The following AGBL4 variants were observed in gnomAD, a reference collection of about 807,000 sequenced individuals.
The protein encoded by AGBL4 is AGBL carboxypeptidase 4, also known as cytosolic carboxypeptidase 6.
A neutral mutation model predicts 66.4 loss-of-function variants in AGBL4; 58 were observed. The ratio of observed to expected loss-of-function variants is 0.87; its 90% CI spans 0.71 to 1.09. The LOEUF is 1.09. Among genes scored for constraint, AGBL4 ranks in the 50% least tolerant of loss-of-function variants. AGBL4 has a pLI of 0.00. For synonymous variants in AGBL4, 234 were observed against 222.9 expected (o/e 1.05, Z -0.44); for missense variants, 579 against 631.0 (o/e 0.92, Z 0.88).
intron 3 of AGBL4, among the ~76,000 whole-genome samples, chr1:49,291,901 C>T (rs953046935): frequency 2.0e-5 from 3 of 152,162 alleles, no homozygotes; most frequent in African/African-American, 4.8e-5. Context: ...CCCAAGCCAT[C>T]GATATGGAAC....
chr1:48,834,557 A>G (rs1444430446), intron 6 of AGBL4, among the ~76,000 whole-genome samples: 1 of 152,114 alleles, frequency 6.6e-6, no homozygotes, highest in East Asian at 1.9e-4. Context: ...TTATAAGAAG[A>G]GAAAGGGAGA....
intron 3 of AGBL4, among the ~76,000 whole-genome samples, chr1:49,479,875 T>G (rs1368637260): frequency 6.6e-6 from 1 of 151,438 alleles, no homozygotes; most frequent in Non-Finnish European, 1.5e-5. Flanking sequence ...GCCCGGCTAA[T>G]TTTTTGTATT....
At chr1:49,927,948 A>C (rs1024622636) in intron 1 of AGBL4, among the ~76,000 whole-genome samples, 10 of 152,226 alleles carry the variant, frequency 6.6e-5, no homozygotes, top group African/African-American at 2.4e-4. Context: ...TGTTATTTTA[A>C]CTGTATTCCA....
intron 3 of AGBL4, among the ~76,000 whole-genome samples, chr1:49,262,721 T>C (rs955496933): frequency 6.6e-6 from 1 of 152,186 alleles, no homozygotes; most frequent in Non-Finnish European, 1.5e-5. Context: ...TGTAAACTAG[T>C]TCAACCATTG....
At chr1:48,766,601 G>A (rs1322605674) in intron 6 of AGBL4, among the ~76,000 whole-genome samples, 3 of 152,234 alleles carry the variant, frequency 2.0e-5, no homozygotes, top group Admixed American at 2.0e-4. Flanking sequence ...AATAGTCCAG[G>A]AAGCTCTGAG....
intron 6 of AGBL4, among the ~76,000 whole-genome samples, chr1:48,725,240 C>CT: frequency 6.6e-6 from 1 of 152,242 alleles, no homozygotes; most frequent in East Asian, 1.9e-4. Flanking sequence ...CTTCTAATGA[C>CT]TTTAACTGAT....
intron 3 of AGBL4, among the ~76,000 whole-genome samples, chr1:49,660,308 T>C (rs912872061): frequency 6.6e-6 from 1 of 152,132 alleles, no homozygotes; most frequent in Non-Finnish European, 1.5e-5. Flanking sequence ...GAACAGACGC[T>C]TCTCCAAAGA....
intron 3 of AGBL4, among the ~76,000 whole-genome samples, chr1:49,513,804 C>A (rs1649495182): frequency 1.3e-5 from 2 of 151,964 alleles, no homozygotes; most frequent in African/African-American, 4.8e-5. Flanking sequence ...GGTCAACTGA[C>A]TGCTTGACTG....
chr1:48,723,849 A>T (rs1203652405), intron 6 of AGBL4, among the ~76,000 whole-genome samples: 1 of 152,066 alleles, frequency 6.6e-6, no homozygotes, highest in African/African-American at 2.4e-5. Flanking sequence ...GAAACAGAAA[A>T]ATCTTCATCT....
At chr1:49,458,762 A>G (rs1285621037) in intron 3 of AGBL4, among the ~76,000 whole-genome samples, 2 of 151,738 alleles carry the variant, frequency 1.3e-5, no homozygotes, top group Non-Finnish European at 2.9e-5. Context: ...GCTGGATTTA[A>G]TCATAAAGGG....
At chr1:49,384,580 G>A (rs1644696074) in intron 3 of AGBL4, among the ~76,000 whole-genome samples, 1 of 151,966 alleles carries the variant, frequency 6.6e-6, no homozygotes, top group Non-Finnish European at 1.5e-5. Flanking sequence ...GTGACAGAGT[G>A]AGACTCCATC....
intron 2 of AGBL4, among the ~76,000 whole-genome samples, chr1:49,779,711 A>G (rs1388782420): frequency 6.6e-6 from 1 of 152,152 alleles, no homozygotes; most frequent in East Asian, 1.9e-4. Flanking sequence ...AGTCTGATGT[A>G]GGGAATGCAG....
intron 2 of AGBL4, among the ~76,000 whole-genome samples, chr1:49,700,370 A>G (rs1647068034): frequency 6.6e-6 from 1 of 151,906 alleles, no homozygotes. Flanking sequence ...GTATGTAAGT[A>G]AAATTTGACA....
rs551520929 is a variant in AGBL4 at position 49,461,459 on chromosome 1, T to TA, written c.283-215596dup. On this transcript the variant is annotated intron_variant, in intron 3 of 13. Transcript: ENST00000371839. ...TTTCCGGAAGTTGTGATTTTTTTTTTATTTATGCGATCTATTTCACTGAAG... is the reference window on the plus strand; with the variant it reads ...TTTCCGGAAGTTGTGATTTTTTTTTTAATTTATGCGATCTATTTCACTGAAG... Among the ~76,000 whole-genome samples the TA allele has an allele frequency of 1.5e-4, 22 of 151,394 alleles. No homozygotes were observed. The South Asian group carries it at 4.0e-3, about 27-fold the overall frequency.
intron 4 of AGBL4, among the ~76,000 whole-genome samples, chr1:49,221,619 T>C (rs1441920070): frequency 6.6e-6 from 1 of 152,162 alleles, no homozygotes; most frequent in Non-Finnish European, 1.5e-5. Context: ...TTTACTGTCT[T>C]ATTGATGATC....
At chr1:49,006,009 A>T (rs2148996642) in intron 5 of AGBL4, among the ~76,000 whole-genome samples, 1 of 152,190 alleles carries the variant, frequency 6.6e-6, no homozygotes, top group African/African-American at 2.4e-5. Context: ...TCAAAAAAAA[A>T]AAGGGAGGAG....
chr1:49,581,011 C>T (rs531325881), intron 3 of AGBL4, among the ~76,000 whole-genome samples: 2 of 152,104 alleles, frequency 1.3e-5, no homozygotes, highest in Non-Finnish European at 2.9e-5. Context: ...AGTTTGATTG[C>T]TTTATGCAGT....
intron 4 of AGBL4, among the ~76,000 whole-genome samples, chr1:49,158,599 T>C (rs1646479966): frequency 1.3e-5 from 2 of 152,118 alleles, no homozygotes; most frequent in Non-Finnish European, 2.9e-5. Flanking sequence ...GGTCAAGAGC[T>C]GAGTTCAAGT....
chr1:49,383,386 G>A (rs1644664697), intron 3 of AGBL4, among the ~76,000 whole-genome samples: 1 of 152,136 alleles, frequency 6.6e-6, no homozygotes, highest in African/African-American at 2.4e-5. Flanking sequence ...GACACTTTCT[G>A]AATTCAAACA....
Sources: allele counts gnomAD v4.1 joint callset (sites outside exome capture counted in the v4.1 genomes callset), GRCh38; gene constraint gnomAD v4.1.1; transcripts MANE v1.5; gene names NCBI Gene and HGNC (gene_info 2026-07-23, HGNC 2026-07-21).